The following TOB2 variants were observed in gnomAD, a reference collection of about 807,000 sequenced individuals.
TOB2 encodes the protein transducer of ERBB2, 2, also known as protein Tob2.
A neutral mutation model predicts 17.3 loss-of-function variants in TOB2; 3 were observed. That is an observed-to-expected ratio of 0.17 (90% CI 0.08 to 0.45). The LOEUF (loss-of-function observed/expected upper bound fraction) is 0.45. Ranked by LOEUF, TOB2 falls within the 20% of genes least tolerant of loss-of-function variation. The pLI is 0.99. For synonymous variants in TOB2, 163 were observed against 185.6 expected (o/e 0.88, Z 0.99); for missense variants, 407 against 445.7 (o/e 0.91, Z 0.78).
chr22:41,435,882 G>A lies in TOB2; in HGVS notation c.*429C>T, dbSNP rs1025926716. 2 of 154,252 alleles carry A rather than the reference G, an allele frequency of 1.3e-5. No homozygotes were observed. Among genetic ancestry groups the A allele is most frequent in the Non-Finnish European group, 2.9e-5 (2 of 69,256 alleles). 9.6% of individuals were successfully genotyped at this position (154,252 alleles called of 1,614,324 possible). The stretch of plus-strand genomic sequence containing the variant: ...CCTCTCCCTGTTCCAGGGAGGGTCA[G>A]GCTCCAGCTGCAGCTCTTTCTTCCC... On this transcript the variant is annotated 3_prime_UTR_variant, in exon 2 of 2. Coordinates refer to ENST00000327492, the MANE Select transcript of TOB2 (RefSeq NM_016272.4).
At chr22:41,440,908 A>G (rs542546271) in intron 1 of TOB2, among the ~76,000 whole-genome samples, 4 of 149,930 alleles carry the variant, frequency 2.7e-5, no homozygotes, top group South Asian at 2.1e-4. Flanking sequence ...GGGTTTTGCC[A>G]TGTCACCCAG....
At position 41,436,025 on chromosome 22, in the gene TOB2, A is replaced by T. The variant is rs907606469; in HGVS notation, c.*286T>A. 1 of 298,178 alleles carries T rather than the reference A, an allele frequency of 3.4e-6. No homozygotes were observed. The highest frequency in any genetic ancestry group is 2.2e-5 in the African/African-American group (1 of 46,196). 18.5% of individuals were successfully genotyped at this position (298,178 alleles called of 1,614,324 possible). A position where few individuals can be genotyped will look rare whatever the true frequency, so the allele number is the denominator to read the frequency against. On this transcript the variant is annotated 3_prime_UTR_variant, in exon 2 of 2. Transcript: ENST00000327492. The surrounding 1 kb of genome is among the most constrained non-coding windows in gnomAD (Gnocchi z 4.8). ...CAGGAAGCCACTCATTAAAGATGTTATATAGAAAACTACATGTAAGAAAAA... is the reference window on the plus strand; with the variant it reads ...CAGGAAGCCACTCATTAAAGATGTTTTATAGAAAACTACATGTAAGAAAAA...
rs2037520982 is a variant in TOB2 at position 41,434,275 on chromosome 22, C to CA, written c.*2035dup. The CA allele has an allele frequency of 6.5e-6, 1 of 153,732 alleles. No individual in the cohort carries two copies. The allele number at this position is 153,732 out of a possible 1,614,324, so 9.5% of individuals were successfully genotyped here. On this transcript the variant is annotated 3_prime_UTR_variant, in exon 2 of 2. Coordinates refer to ENST00000327492, the MANE Select transcript of TOB2 (RefSeq NM_016272.4). The stretch of plus-strand genomic sequence containing the variant: ...ATTTTTCTTCGTATTTCAAAAGACA[C>CA]AAAGGGGTTGGTCTCCCCTCTCTCC...
intron 1 of TOB2, among the ~76,000 whole-genome samples, chr22:41,441,208 G>A (rs910790264): frequency 6.6e-6 from 1 of 151,826 alleles, no homozygotes; most frequent in Admixed American, 6.6e-5. Flanking sequence ...CCAGCTACTC[G>A]GGAGGCTGAG....
In TOB2 at chr22:41,436,105, T is replaced by C; in HGVS notation, c.*206A>G. The C allele has an allele frequency of 2.1e-6, 1 of 485,012 alleles. No homozygotes were observed. Among genetic ancestry groups the C allele is most frequent in the South Asian group, 7.3e-5 (1 of 13,708 alleles). 30.0% of individuals were successfully genotyped at this position (485,012 alleles called of 1,614,324 possible). A position where few individuals can be genotyped will look rare whatever the true frequency, so the allele number is the denominator to read the frequency against. On this transcript the variant is annotated 3_prime_UTR_variant, in exon 2 of 2. Coordinates refer to ENST00000327492, the MANE Select transcript of TOB2 (RefSeq NM_016272.4). This position sits in a 1 kb window ranked among gnomAD's most constrained non-coding sequence, Gnocchi z 4.8. ...ACCAACCAAATAAATCACAGGCCGG[T>C]GGGCGAGCGGTAAGGGGTGAGTGAA...
intron 1 of TOB2, among the ~76,000 whole-genome samples, chr22:41,442,531 C>T (rs1399765028): frequency 6.6e-6 from 1 of 152,178 alleles, no homozygotes; most frequent in Non-Finnish European, 1.5e-5. Flanking sequence ...GTGATGTTGC[C>T]GCACAAATAA....
At chr22:41,442,897 TG>T (rs1293328753) in intron 1 of TOB2, among the ~76,000 whole-genome samples, 1 of 152,186 alleles carries the variant, frequency 6.6e-6, no homozygotes, top group East Asian at 1.9e-4. Context: ...TTCGCTTAAG[TG>T]GCTGCAGAGG....
At chr22:41,446,238 GAA>G (rs1435134471) in intron 1 of TOB2, 139 bp downstream of exon 1, 1 of 153,140 alleles carries the variant, frequency 6.5e-6, no homozygotes, top group Admixed American at 6.5e-5. Context: ...GATGGGGAAA[GAA>G]AATGCTGGCC....
At chr22:41,443,284 C>T (rs569687081) in intron 1 of TOB2, among the ~76,000 whole-genome samples, 15 of 152,226 alleles carry the variant, frequency 9.9e-5, no homozygotes, top group African/African-American at 3.4e-4. Flanking sequence ...CACGCGCGCG[C>T]ATGTGTCTGC....
chr22:41,437,130 G>C lies in TOB2; in HGVS notation c.216C>G (p.Ala72=). The change falls in exon 2 of 2, where the codon GCC becomes GCG. Residue 72 remains alanine (A), a synonymous_variant. Coordinates refer to ENST00000327492, the MANE Select transcript of TOB2 (RefSeq NM_016272.4). The part of the protein sequence containing the change: ...EMVDPVVELA[A]KRSGLAVEDV... The stretch of plus-strand genomic sequence containing the variant: ...CTTCCACCGCCAGGCCACTCCGCTT[G>C]GCGGCCAGCTCCACCACGGGGTCCA... 1 of 1,614,152 alleles carries C rather than the reference G, an allele frequency of 6.2e-7. No individual in the cohort carries two copies.
chr22:41,443,382 C>T (rs2037641125), intron 1 of TOB2, among the ~76,000 whole-genome samples: 1 of 152,162 alleles, frequency 6.6e-6, no homozygotes, highest in Non-Finnish European at 1.5e-5. Context: ...TGCAATGGCG[C>T]CATCTTGGCT....
At chr22:41,444,141 C>CG (rs1326205733) in intron 1 of TOB2, among the ~76,000 whole-genome samples, 1 of 152,134 alleles carries the variant, frequency 6.6e-6, no homozygotes, top group Non-Finnish European at 1.5e-5. Flanking sequence ...TGCCGCTGTC[C>CG]GGGGAGTGAG....
At position 41,437,423 on chromosome 22, in the gene TOB2, C is replaced by T; in HGVS notation, c.-62-16G>A. 1.3e-6 allele frequency: 2 copies of T among 1,521,320 alleles called. No individual in the cohort carries two copies. Among genetic ancestry groups the T allele is most frequent in the Non-Finnish European group, 1.8e-6 (2 of 1,139,730 alleles). 94.2% of individuals were successfully genotyped at this position (1,521,320 alleles called of 1,614,324 possible). A position where few individuals can be genotyped will look rare whatever the true frequency, so the allele number is the denominator to read the frequency against. On this transcript the variant is annotated splice_polypyrimidine_tract_variant and intron_variant, in intron 1 of 1. Transcript: ENST00000327492. Reference sequence around the variant, plus strand: ...CCAGGCGGCTCTGGGAAATGAGAGGCACCGTGAGAAAATATGCAGAAAGCT... The same window carrying T: ...CCAGGCGGCTCTGGGAAATGAGAGGTACCGTGAGAAAATATGCAGAAAGCT...
chr22:41,445,424 G>A (rs1408003615), intron 1 of TOB2, among the ~76,000 whole-genome samples: 1 of 152,192 alleles, frequency 6.6e-6, no homozygotes, highest in Non-Finnish European at 1.5e-5. Flanking sequence ...TTGTTTTTCT[G>A]CCGGAAAATC....
intron 1 of TOB2, among the ~76,000 whole-genome samples, chr22:41,443,971 G>A (rs1041551039): frequency 1.3e-5 from 2 of 152,202 alleles, no homozygotes; most frequent in African/African-American, 4.8e-5. Flanking sequence ...AGGAAAAGGA[G>A]GGATAATGGT....
At chr22:41,441,304 G>C (rs1206515120) in intron 1 of TOB2, among the ~76,000 whole-genome samples, 3 of 117,682 alleles carry the variant, frequency 2.5e-5, no homozygotes, top group African/African-American at 1.1e-4. Flanking sequence ...GACAGAGCAA[G>C]ACTCTACCTC....
chr22:41,441,343 A>C (rs2037618934), intron 1 of TOB2, among the ~76,000 whole-genome samples: 1 of 151,972 alleles, frequency 6.6e-6, no homozygotes, highest in South Asian at 2.1e-4. Context: ...GAATAGTAGA[A>C]AGAATAAAGG....
At chr22:41,445,395 G>C (rs1474391849) in intron 1 of TOB2, among the ~76,000 whole-genome samples, 2 of 152,190 alleles carry the variant, frequency 1.3e-5, no homozygotes, top group Non-Finnish European at 2.9e-5. Flanking sequence ...GGGGGTAGAA[G>C]CCCAAGAAAG....
intron 1 of TOB2, among the ~76,000 whole-genome samples, chr22:41,441,781 C>T (rs1345903110): frequency 6.6e-6 from 1 of 151,804 alleles, no homozygotes; most frequent in East Asian, 1.9e-4. Context: ...TGTGGTGGCA[C>T]ACGCCTGTAA....
Sources: gnomAD v4.1 joint callset for allele counts (sites outside exome capture counted in the v4.1 genomes callset) on GRCh38, gnomAD v4.1.1 for gene constraint, Gnocchi (gnomAD v3.1) non-coding constraint, MANE v1.5 for transcripts, NCBI Gene and HGNC (gene_info 2026-07-23, HGNC 2026-07-21) for gene names.